The following PPFIBP2 variants were observed in gnomAD, a reference collection of about 807,000 sequenced individuals.
PPFIBP2 encodes the protein PPFIB scaffold protein 2.
A neutral mutation model predicts 118.3 loss-of-function variants in PPFIBP2; 118 were observed. The ratio of observed to expected loss-of-function variants is 1.00; its 90% CI spans 0.86 to 1.16. The LOEUF is 1.16. Among genes scored for constraint, PPFIBP2 ranks in the 50% most tolerant of loss-of-function variants. The pLI, the probability that PPFIBP2 is intolerant of heterozygous loss-of-function variation, is 0.00. For missense variants in PPFIBP2, 1,195 were observed against 1,073.1 expected (o/e 1.11, Z -1.59); for synonymous variants, 414 against 397.4 (o/e 1.04, Z -0.50).
chr11:7,554,632 C>T (rs1051002691), intron 2 of PPFIBP2, among the ~76,000 whole-genome samples: 1 of 151,922 alleles, frequency 6.6e-6, no homozygotes, highest in African/African-American at 2.4e-5. Flanking sequence ...AGCCACGGTG[C>T]GATGGCCTTT....
At chr11:7,664,505 G>A in the PPFIBP2 span, among the ~76,000 whole-genome samples, 6 of 152,296 alleles carry the variant, frequency 3.9e-5, no homozygotes, top group Non-Finnish European at 7.4e-5. Flanking sequence ...CTAATAGAGG[G>A]TAGATGCACC....
chr11:7,644,755 C>T (rs1258219071), intron 17 of PPFIBP2, among the ~76,000 whole-genome samples: 4 of 151,944 alleles, frequency 2.6e-5, no homozygotes, highest in South Asian at 2.1e-4. Flanking sequence ...AGGCCGGGCG[C>T]GGTGGCTCAC....
intron 3 of PPFIBP2, among the ~76,000 whole-genome samples, chr11:7,568,129 A>G (rs759854333): frequency 4.6e-5 from 7 of 152,190 alleles, no homozygotes; most frequent in African/African-American, 1.7e-4. Context: ...CTTGGCCATG[A>G]CACTGGCCTG....
chr11:7,618,358 T>C (rs772394228), intron 6 of PPFIBP2, among the ~76,000 whole-genome samples: 8 of 152,166 alleles, frequency 5.3e-5, no homozygotes, highest in Non-Finnish European at 1.0e-4. Context: ...GGACAACAAG[T>C]AACATAGAAG....
chr11:7,551,146 G>C (rs73409052), intron 2 of PPFIBP2, among the ~76,000 whole-genome samples: 3,202 of 152,206 alleles, frequency 0.021, 57 homozygotes, highest in African/African-American at 0.045. Flanking sequence ...TGAGGAGAAA[G>C]AGTCAAGAAA....
intron 12 of PPFIBP2, among the ~76,000 whole-genome samples, chr11:7,633,277 C>A (rs1014828955): frequency 3.9e-5 from 6 of 152,172 alleles, no homozygotes; most frequent in Non-Finnish European, 8.8e-5. Flanking sequence ...GCCTCTGCCT[C>A]CTGCTCTTAG....
rs1381041379 is a variant in PPFIBP2, at chr11:7,609,413, A to G, written c.487-878A>G. Among the ~76,000 whole-genome samples the G allele has an allele frequency of 2.6e-5, 4 of 152,292 alleles. No homozygotes were observed. In the East Asian group the frequency reaches 7.7e-4, roughly 29 times the overall value. ...GTGCCGGGATTTTGGACCTCATAGGACATTGCCCTTTGCCAATGGAAAAAT... is the reference window on the plus strand; with the variant it reads ...GTGCCGGGATTTTGGACCTCATAGGGCATTGCCCTTTGCCAATGGAAAAAT... On this transcript the variant is annotated intron_variant, in intron 5 of 23. Transcript: ENST00000299492.
chr11:7,583,797 C>G (rs1024980754), intron 3 of PPFIBP2, among the ~76,000 whole-genome samples: 14 of 152,196 alleles, frequency 9.2e-5, no homozygotes, highest in Non-Finnish European at 1.5e-4. Flanking sequence ...TCAGGGTGTC[C>G]TGTGTTTGCT....
intron 18 of PPFIBP2, 24 bp from the exon 19 acceptor site, chr11:7,648,776 G>A: frequency 6.2e-7 from 1 of 1,606,786 alleles, no homozygotes; most frequent in Non-Finnish European, 8.5e-7. Flanking sequence ...AATTTCACAT[G>A]TGGTCTTCAT....
Position 7,635,709 on chromosome 11 carries a change from G to A in PPFIBP2, c.1236+116G>A. 2.7e-6 allele frequency: 3 copies of A among 1,131,774 alleles called. 1 individual carries two copies. In the South Asian group the frequency reaches 4.1e-5, roughly 16 times the overall value. 70.1% of individuals were successfully genotyped at this position (1,131,774 alleles called of 1,614,324 possible). Reference sequence around the variant, plus strand: ...ATGTGCCAACTGTAAGGAGTAAGAGGGCAAGAGGAAAGACGCAACTTTTCT... The same window carrying A: ...ATGTGCCAACTGTAAGGAGTAAGAGAGCAAGAGGAAAGACGCAACTTTTCT... On this transcript the variant is annotated intron_variant, in intron 14 of 23. Transcript: ENST00000299492.
intron 6 of PPFIBP2, among the ~76,000 whole-genome samples, chr11:7,614,622 T>A (rs770704869): frequency 1.3e-5 from 2 of 152,206 alleles, no homozygotes; most frequent in Non-Finnish European, 2.9e-5. Flanking sequence ...AATTTATGGG[T>A]CAAGGAGTAC....
intron 3 of PPFIBP2, among the ~76,000 whole-genome samples, chr11:7,578,274 C>T (rs568949781): frequency 6.6e-6 from 1 of 152,186 alleles, no homozygotes; most frequent in Admixed American, 6.5e-5. Flanking sequence ...AGGCTGTTTC[C>T]TCTTTTGTGG....
At chr11:7,534,591 T>C (rs1851037545) in intron 1 of PPFIBP2, among the ~76,000 whole-genome samples, 2 of 152,170 alleles carry the variant, frequency 1.3e-5, no homozygotes, top group African/African-American at 2.4e-5. Flanking sequence ...AGGAGGCACA[T>C]TGCCAACCGG....
At chr11:7,628,248 T>C (rs1419477547) in intron 8 of PPFIBP2, 37 bp from the exon 9 acceptor site, 1 of 1,564,076 alleles carries the variant, frequency 6.4e-7, no homozygotes, top group Non-Finnish European at 8.8e-7. Context: ...TGTCTGTATT[T>C]ATATAAATAA....
At chr11:7,547,615 C>T (rs906536023) in intron 1 of PPFIBP2, among the ~76,000 whole-genome samples, 4 of 152,200 alleles carry the variant, frequency 2.6e-5, no homozygotes, top group Non-Finnish European at 5.9e-5. Context: ...AGGATTTCCA[C>T]ACCGTATTCG....
Position 7,610,393 on chromosome 11 carries a change from G to C in PPFIBP2, c.589G>C (p.Glu197Gln), listed in dbSNP as rs1565052849. 6.2e-7 allele frequency: 1 copy of C among 1,614,102 alleles called. No homozygotes were observed. Reference sequence around the variant, plus strand: ...GGTTGGCATGGAGAAGGAGCAGAGAGAGCAGGAGGAGAAGCAGAGAAAAGC... The same window carrying C: ...GGTTGGCATGGAGAAGGAGCAGAGACAGCAGGAGGAGAAGCAGAGAAAAGC... ...KLVGMEKEQR[E>Q]QEEKQRKAEE... The change falls in exon 6 of 24, where the codon GAG becomes CAG. Residue 197 changes from glutamate to glutamine, a missense_variant. Transcript: ENST00000299492.
Position 7,610,459 on chromosome 11 carries a change from G to C in PPFIBP2, c.618+37G>C, listed in dbSNP as rs373492677. ...TGTGTACTGTCCTAAGCTCAGACCT[G>C]GGAAGGCTGTCATAATGTGAATTTA... On this transcript the variant is annotated intron_variant, in intron 6 of 23. Coordinates refer to ENST00000299492, the MANE Select transcript of PPFIBP2 (RefSeq NM_003621.5). 17 of 1,600,446 alleles carry C rather than the reference G, an allele frequency of 1.1e-5. No homozygotes were observed. The African/African-American group carries it at 2.3e-4, about 21-fold the overall frequency.
intron 2 of PPFIBP2, among the ~76,000 whole-genome samples, chr11:7,551,818 T>C (rs537546851): frequency 6.6e-6 from 1 of 152,366 alleles, no homozygotes; most frequent in South Asian, 2.1e-4. Context: ...ACAGAGCCTC[T>C]GGCAAAATTC....
intron 3 of PPFIBP2, chr11:7,571,573 CAGA>C (rs1327177076): frequency 1.3e-5 from 2 of 152,076 alleles, no homozygotes; most frequent in Admixed American, 6.5e-5. Context: ...TGAAAAGTTA[CAGA>C]AGGAGTTTTG....
Sources: gnomAD v4.1 joint callset for allele counts (sites outside exome capture counted in the v4.1 genomes callset) on GRCh38, gnomAD v4.1.1 for gene constraint, MANE v1.5 for transcripts, NCBI Gene and HGNC (gene_info 2026-07-23, HGNC 2026-07-21) for gene names.